Variants in NOL4L observed in about 807,000 individuals in gnomAD.
NOL4L encodes the protein nucleolar protein 4 like.
Under a neutral mutation model 64.5 loss-of-function variants are expected in NOL4L, and 7 were observed. The observed-to-expected ratio is 0.11, with a 90% CI of 0.06 to 0.20. The LOEUF (loss-of-function observed/expected upper bound fraction) is 0.20. NOL4L is among the 10% of genes least tolerant of loss of function. NOL4L has a pLI of 1.00. For synonymous variants in NOL4L, 413 were observed against 401.0 expected, an observed-to-expected ratio of 1.03 and a Z score of -0.36; for missense variants, 680 against 967.1, an observed-to-expected ratio of 0.70 and a Z score of 3.94.
At chr20:32,546,801 G>A (rs1600863706) in intron 1 of NOL4L, among the ~76,000 whole-genome samples, 1 of 152,362 alleles carries the variant, frequency 6.6e-6, no homozygotes, top group South Asian at 2.1e-4. Flanking sequence ...GAGCATGGGT[G>A]TTGGAGGCAA....
chr20:32,475,026 C>T (rs1395617879), intron 4 of NOL4L: 26 of 985,342 alleles, frequency 2.6e-5, no homozygotes, highest in African/African-American at 3.5e-5. Context: ...CAGGGCCTGG[C>T]TCTTACCCTT....
At chr20:32,505,585 T>C (rs752454162) in intron 4 of NOL4L, among the ~76,000 whole-genome samples, 7 of 152,040 alleles carry the variant, frequency 4.6e-5, no homozygotes, top group Non-Finnish European at 8.8e-5. Context: ...CTAGATGTGG[T>C]GGTGCTCACC....
At chr20:32,456,093 G>A in intron 6 of NOL4L, 25 bp downstream of exon 6, 2 of 1,470,762 alleles carry the variant, frequency 1.4e-6, no homozygotes, top group Non-Finnish European at 1.8e-6. Flanking sequence ...AGAAAGAAAT[G>A]GACTCAGCCC....
chr20:32,554,638 C>A (rs950788664), intron 1 of NOL4L, among the ~76,000 whole-genome samples: 2 of 152,120 alleles, frequency 1.3e-5, no homozygotes, highest in Admixed American at 1.3e-4. Flanking sequence ...CCTGGGAAAC[C>A]CCCCAGGAAA....
At chr20:32,584,133 G>GCGCGCACACACACACACA (rs1555811186) in intron 1 of NOL4L, among the ~76,000 whole-genome samples, 1 of 88,800 alleles carries the variant, frequency 1.1e-5, no homozygotes, top group African/African-American at 5.2e-5. Context: ...CTCCGCGCGC[G>GCGCGCACACACACACACA]CACACACACA....
chr20:32,559,823 G>A (rs991302949), intron 1 of NOL4L, among the ~76,000 whole-genome samples: 2 of 152,210 alleles, frequency 1.3e-5, no homozygotes, highest in African/African-American at 4.8e-5. Context: ...CATCCCTCTC[G>A]CCTGAGTGGG....
intron 4 of NOL4L, among the ~76,000 whole-genome samples, chr20:32,494,252 G>GAAAAAAAAAAAAAAAAAAAAAAAAA (rs1568654908): frequency 3.7e-5 from 1 of 27,094 alleles, no homozygotes; most frequent in African/African-American, 1.5e-4. Context: ...GATAATCTCG[G>GAAAAAAAAAAAAAAAAAAAAAAAAA]GAAAAAAAAA....
At chr20:32,552,415 G>A (rs1178543675) in intron 1 of NOL4L, among the ~76,000 whole-genome samples, 6 of 152,068 alleles carry the variant, frequency 3.9e-5, no homozygotes, top group African/African-American at 7.2e-5. Context: ...GGCAGTGCGC[G>A]GTAGCTCATG....
At chr20:32,459,342 G>A (rs1011628441) in intron 5 of NOL4L, among the ~76,000 whole-genome samples, 9 of 150,458 alleles carry the variant, frequency 6.0e-5, no homozygotes, top group Non-Finnish European at 1.0e-4. Flanking sequence ...CTGGGCTGAA[G>A]CGATCTCCCC....
At chr20:32,549,710 G>A (rs2018774586) in intron 1 of NOL4L, among the ~76,000 whole-genome samples, 3 of 152,164 alleles carry the variant, frequency 2.0e-5, no homozygotes, top group Admixed American at 6.5e-5. Context: ...CCGAGATCGC[G>A]CCATTGCACT....
At position 32,476,198 on chromosome 20, in the gene NOL4L, G is replaced by GACACACACACACAC. The variant is rs1167969757; in HGVS notation, c.700-1470_700-1457dup. On this transcript the variant is annotated intron_variant, in intron 4 of 10. Coordinates refer to ENST00000621426, the MANE Select transcript of NOL4L (RefSeq NM_001256798.2). ...GAAAACTCGCTCACACACCCGGAGG[G>GACACACACACACAC]ACACACACACACACACACACACACA... Among the ~76,000 whole-genome samples the GACACACACACACAC allele has an allele frequency of 5.0e-4, 71 of 141,080 alleles. 1 individual carries two copies. Among genetic ancestry groups the GACACACACACACAC allele is most frequent in the East Asian group, 2.8e-3 (13 of 4,676 alleles). 92.6% of individuals were successfully genotyped at this position (141,080 alleles called of 152,430 possible). A position where few individuals can be genotyped will look rare whatever the true frequency, so the allele number is the denominator to read the frequency against.
chr20:32,580,600 G>T (rs1054246771), intron 1 of NOL4L, among the ~76,000 whole-genome samples: 10 of 152,340 alleles, frequency 6.6e-5, no homozygotes, highest in Admixed American at 1.3e-4. Context: ...GTGGAGTTTG[G>T]CAATCTCGAA....
chr20:32,462,496 A>G (rs2014161746), intron 5 of NOL4L, among the ~76,000 whole-genome samples: 1 of 152,110 alleles, frequency 6.6e-6, no homozygotes, highest in Admixed American at 6.5e-5. Flanking sequence ...CCCACCCCTC[A>G]CTGCACCTGG....
intron 1 of NOL4L, among the ~76,000 whole-genome samples, chr20:32,551,369 C>T (rs1039734625): frequency 6.5e-5 from 9 of 139,278 alleles, no homozygotes; most frequent in African/African-American, 1.8e-4. Flanking sequence ...GCGTGAGACT[C>T]GGTCTCAAAA....
chr20:32,541,726 G>A (rs1057196947), intron 1 of NOL4L, among the ~76,000 whole-genome samples: 6 of 152,278 alleles, frequency 3.9e-5, no homozygotes, highest in Non-Finnish European at 8.8e-5. Flanking sequence ...CGCGGCACCC[G>A]CGCTGAGCTG....
chr20:32,545,931 C>CT (rs1319887931), intron 1 of NOL4L, among the ~76,000 whole-genome samples: 6 of 147,744 alleles, frequency 4.1e-5, no homozygotes, highest in East Asian at 2.0e-4. Flanking sequence ...GGTTGTAATT[C>CT]TTTTTTTTTC....
intron 1 of NOL4L, among the ~76,000 whole-genome samples, chr20:32,579,895 TC>T (rs1374725281): frequency 2.0e-5 from 3 of 151,356 alleles, no homozygotes; most frequent in Non-Finnish European, 4.4e-5. Context: ...AACAGAGGCA[TC>T]CTCCCTCCTC....
rs577281862 is a variant in NOL4L, at chr20:32,456,172, G to A, written c.1065C>T (p.Cys355=). 3.1e-5 allele frequency: 50 copies of A among 1,589,936 alleles called. No homozygotes were observed. The Middle Eastern group carries it at 1.0e-3, about 32-fold the overall frequency. ...LGTASYPSDG[C]GADGLRSRVK... ...CGCGGCTCCGCAGCCCGTCGGCACC[G>A]CAGCCATCCGAGGGGTAGGAGGCTG... Residue 355 remains cysteine, a synonymous_variant, in exon 6 of 11, where the codon TGC becomes TGT. Transcript: ENST00000621426.
At chr20:32,565,889 A>G (rs1052302109) in intron 1 of NOL4L, among the ~76,000 whole-genome samples, 10 of 151,300 alleles carry the variant, frequency 6.6e-5, no homozygotes, top group Non-Finnish European at 1.5e-5. Context: ...AAACAAAAAC[A>G]GAAGAAGAAA....
Sources: gnomAD v4.1 joint callset for allele counts (sites outside exome capture counted in the v4.1 genomes callset) on GRCh38, gnomAD v4.1.1 for gene constraint, MANE v1.5 for transcripts, NCBI Gene and HGNC (gene_info 2026-07-23, HGNC 2026-07-21) for gene names.